Variants in WWC2 observed in about 807,000 individuals in gnomAD.
WWC2 encodes the protein protein WWC2.
A neutral mutation model predicts 138.5 loss-of-function variants in WWC2; 101 were observed. That is an observed-to-expected ratio of 0.73 (90% CI 0.62 to 0.86). The LOEUF (loss-of-function observed/expected upper bound fraction) is 0.86, where lower values mean the gene tolerates loss of function less well. Ranked by LOEUF, WWC2 falls within the 40% of genes least tolerant of loss-of-function variation. The probability of loss-of-function intolerance (pLI) is 0.00; values close to 1 mark genes in which losing one functional copy is unlikely to be tolerated. For synonymous variants in WWC2, 558 were observed against 538.4 expected (o/e 1.04, Z -0.50); for missense variants, 1,420 against 1,419.4 (o/e 1.00, Z -0.01).
intron 5 of WWC2, among the ~76,000 whole-genome samples, chr4:183,244,939 G>A (rs978586192): frequency 2.0e-5 from 3 of 152,112 alleles, no homozygotes; most frequent in African/African-American, 4.8e-5. Flanking sequence ...AATGGACTGG[G>A]TTTGAAGTGA....
chr4:183,285,884 C>G (rs892826369), intron 19 of WWC2, 83 bp from the exon 20 acceptor site: 1 of 1,278,824 alleles, frequency 7.8e-7, no homozygotes, highest in Non-Finnish European at 1.1e-6. Context: ...ACCTGCTTTA[C>G]TTGGTAAATG....
intron 1 of WWC2, among the ~76,000 whole-genome samples, chr4:183,172,556 G>GTTTTTTTTTTTTTTTTTTTTTTTTTTTTT (rs61599876): frequency 1.8e-5 from 2 of 113,066 alleles, no homozygotes; most frequent in African/African-American, 3.3e-5. Flanking sequence ...TATGTTTCTT[G>GTTTTTTTTTTTTTTTTTTTTTTTTTTTTT]TTTTTTTTTT....
At chr4:183,265,175 T>C (rs1455363699) in intron 12 of WWC2, 68 bp downstream of exon 12, 1 of 1,528,266 alleles carries the variant, frequency 6.5e-7, no homozygotes, top group South Asian at 1.4e-5. Flanking sequence ...GGTTATATGC[T>C]GTAAATGGAC....
At chr4:183,287,172 A>G (rs1344438274) in intron 20 of WWC2, among the ~76,000 whole-genome samples, 1 of 152,174 alleles carries the variant, frequency 6.6e-6, no homozygotes, top group East Asian at 1.9e-4. Flanking sequence ...CTGGCCAGGC[A>G]GCAGTGGGCG....
chr4:183,270,691 G>A (rs1273002463), intron 15 of WWC2, among the ~76,000 whole-genome samples: 1 of 152,132 alleles, frequency 6.6e-6, no homozygotes, highest in Non-Finnish European at 1.5e-5. Flanking sequence ...TTGAACCCAG[G>A]AGGTGGAGGT....
intron 1 of WWC2, among the ~76,000 whole-genome samples, chr4:183,141,688 G>A (rs576445462): frequency 5.9e-5 from 9 of 152,198 alleles, no homozygotes; most frequent in Admixed American, 1.3e-4. Flanking sequence ...CAAAAATAAG[G>A]TACAAACACC....
chr4:183,173,723 C>CG (rs540155820), intron 1 of WWC2, among the ~76,000 whole-genome samples: 6 of 151,930 alleles, frequency 3.9e-5, no homozygotes, highest in Non-Finnish European at 7.4e-5. Flanking sequence ...CTCCACACTG[C>CG]GGGGGGCCAG....
intron 4 of WWC2, among the ~76,000 whole-genome samples, chr4:183,234,246 A>G (rs1373762052): frequency 2.0e-5 from 3 of 152,210 alleles, no homozygotes; most frequent in Non-Finnish European, 4.4e-5. Flanking sequence ...GTAAAATATC[A>G]GTTGCTTTAG....
intron 4 of WWC2, among the ~76,000 whole-genome samples, chr4:183,215,177 G>A (rs1349098158): frequency 6.6e-6 from 1 of 152,142 alleles, no homozygotes; most frequent in Non-Finnish European, 1.5e-5. Flanking sequence ...AAGGGATTAC[G>A]ACAATGACTA....
intron 11 of WWC2, among the ~76,000 whole-genome samples, chr4:183,262,954 G>T (rs1737378146): frequency 2.0e-5 from 3 of 152,148 alleles, no homozygotes; most frequent in African/African-American, 7.2e-5. Flanking sequence ...CTTGTGTCAG[G>T]CTGAAGGATT....
intron 6 of WWC2, among the ~76,000 whole-genome samples, chr4:183,247,623 C>CTATATATAG (rs1553971250): frequency 2.4e-5 from 3 of 126,990 alleles, no homozygotes; most frequent in Non-Finnish European, 4.9e-5. Context: ...ACTATATATA[C>CTATATATAG]TATATACTAT....
chr4:183,260,410 A>G (rs1164931922), intron 10 of WWC2, among the ~76,000 whole-genome samples: 2 of 152,238 alleles, frequency 1.3e-5, no homozygotes, highest in African/African-American at 4.8e-5. Context: ...AAGCATAGAC[A>G]TGGTATACAG....
chr4:183,268,956 T>C lies in WWC2; in HGVS notation c.2208-15T>C, dbSNP rs770645521. ...AAAGTACCTATGAAATCCATTTTAT[T>C]CTTGTTCTTTGCAGATATTTTAGGG... On this transcript the variant is annotated splice_polypyrimidine_tract_variant and intron_variant, in intron 14 of 22. Coordinates refer to ENST00000403733, the MANE Select transcript of WWC2 (RefSeq NM_024949.6). The C allele has an allele frequency of 6.2e-7, 1 of 1,602,778 alleles. No individual in the cohort carries two copies. The highest frequency in any genetic ancestry group is 8.5e-7 in the Non-Finnish European group (1 of 1,175,408).
intron 1 of WWC2, among the ~76,000 whole-genome samples, chr4:183,163,336 G>T (rs1358280496): frequency 6.6e-6 from 1 of 152,220 alleles, no homozygotes; most frequent in African/African-American, 2.4e-5. Context: ...TCCATCAGTG[G>T]AGTGCAGCTG....
intron 4 of WWC2, among the ~76,000 whole-genome samples, chr4:183,219,667 A>G (rs73870368): frequency 0.011 from 1,707 of 152,314 alleles, 35 homozygotes; most frequent in African/African-American, 0.039. Flanking sequence ...CACTTTGACT[A>G]TTCATAAAGT....
chr4:183,105,336 G>A (rs191815923), intron 1 of WWC2, among the ~76,000 whole-genome samples: 89 of 152,324 alleles, frequency 5.8e-4, no homozygotes, highest in African/African-American at 2.0e-3. Flanking sequence ...GAAGTTGTCT[G>A]TTGGCCCACA....
intron 6 of WWC2, among the ~76,000 whole-genome samples, chr4:183,247,461 T>C (rs1016149736): frequency 1.4e-5 from 2 of 147,198 alleles, no homozygotes; most frequent in African/African-American, 2.5e-5. Context: ...TGTGACCATT[T>C]AAGTTTTATC....
Position 183,265,923 on chromosome 4 carries a change from G to A in WWC2, c.2179G>A (p.Ala727Thr). 2 of 1,613,104 alleles carry A rather than the reference G, an allele frequency of 1.2e-6. No homozygotes were observed. Among genetic ancestry groups the A allele is most frequent in the East Asian group, 2.2e-5 (1 of 44,874 alleles). The change falls in exon 14 of 23, where the codon GCC (alanine) becomes ACC (threonine). Residue 727 changes from alanine (A) to threonine (T), a missense_variant. Physicochemically the swap from Ala to Thr is moderately conservative, Grantham distance 58 (BLOSUM62 0). Coordinates refer to ENST00000403733, the MANE Select transcript of WWC2 (RefSeq NM_024949.6). ...VIIAQLRNLH[A>T]FLIPHTSKVY... Reference sequence around the variant, plus strand: ...TATAGCACAGCTCCGAAACCTTCATGCCTTCTTGATACCTCATACTTCAAA... The same window carrying A: ...TATAGCACAGCTCCGAAACCTTCATACCTTCTTGATACCTCATACTTCAAA...
chr4:183,268,783 G>A (rs958830192), intron 14 of WWC2, among the ~76,000 whole-genome samples, 188 bp from the exon 15 acceptor site: 10 of 152,180 alleles, frequency 6.6e-5, no homozygotes, highest in African/African-American at 1.9e-4. Flanking sequence ...GGCGTAGTCA[G>A]CTCGGGTGGG....
Sources: allele counts gnomAD v4.1 joint callset (sites outside exome capture counted in the v4.1 genomes callset), GRCh38; gene constraint gnomAD v4.1.1; transcripts MANE v1.5; gene names NCBI Gene and HGNC (gene_info 2026-07-23, HGNC 2026-07-21).